ZBTB34: variants seen among roughly 807,000 people sequenced by gnomAD.
ZBTB34 encodes the protein zinc finger and BTB domain containing 34, also known as zinc finger and BTB domain-containing protein 34.
A neutral mutation model predicts 33.4 loss-of-function variants in ZBTB34; 1 was observed. That is an observed-to-expected ratio of 0.03 (90% confidence interval 0.01 to 0.14). ZBTB34 has a LOEUF of 0.14. Ranked by LOEUF, ZBTB34 falls within the 10% of genes least tolerant of loss-of-function variation. The pLI, the probability that ZBTB34 is intolerant of heterozygous loss-of-function variation, is 1.00. For synonymous variants in ZBTB34, 283 were observed against 253.5 expected, an observed-to-expected ratio of 1.12 and a Z score of -1.11; for missense variants, 406 against 657.2, an observed-to-expected ratio of 0.62 and a Z score of 4.18.
chr9:126,878,016 TAAATA>T (rs1323535380), intron 1 of ZBTB34, among the ~76,000 whole-genome samples: 3 of 151,644 alleles, frequency 2.0e-5, no homozygotes, highest in Admixed American at 6.6e-5. Context: ...AAAATAAAAA[TAAATA>T]AAATAAAATA....
chr9:126,871,214 T>G (rs2033274676), intron 1 of ZBTB34, among the ~76,000 whole-genome samples: 1 of 150,456 alleles, frequency 6.6e-6, no homozygotes, highest in African/African-American at 2.5e-5. Context: ...TGTGTGTGTG[T>G]GGAGTGGGGG....
chr9:126,870,232 T>C (rs567826054), intron 1 of ZBTB34, among the ~76,000 whole-genome samples: 125 of 152,334 alleles, frequency 8.2e-4, no homozygotes, highest in Admixed American at 2.0e-3. Flanking sequence ...GAAAAACTAA[T>C]ATAAATCACT....
chr9:126,882,906 G>A (rs191441564), exon 2 of ZBTB34: 429 of 167,150 alleles, frequency 2.6e-3, no homozygotes, highest in Non-Finnish European at 4.5e-3. Flanking sequence ...ATCTGTTCAC[G>A]TGTGAACTGC....
At chr9:126,884,633 C>A (rs536121740) in exon 2 of ZBTB34, 1 of 166,932 alleles carries the variant, frequency 6.0e-6, no homozygotes, top group Non-Finnish European at 1.5e-5. Context: ...TTTGTTTTTC[C>A]CTTAGCCCAG....
chr9:126,878,685 G>A (rs2033394118), intron 1 of ZBTB34, among the ~76,000 whole-genome samples: 1 of 151,534 alleles, frequency 6.6e-6, no homozygotes, highest in Admixed American at 6.6e-5. Context: ...ACACAAGTAA[G>A]GTAGAACATT....
intron 1 of ZBTB34, among the ~76,000 whole-genome samples, chr9:126,868,315 C>A (rs1383869183): frequency 6.6e-6 from 1 of 152,186 alleles, no homozygotes; most frequent in African/African-American, 2.4e-5. Flanking sequence ...AGCCTGTCGT[C>A]ATATGGTCTC....
At chr9:126,873,990 T>C (rs915924957) in intron 1 of ZBTB34, among the ~76,000 whole-genome samples, 1 of 151,828 alleles carries the variant, frequency 6.6e-6, no homozygotes, top group Admixed American at 6.6e-5. Flanking sequence ...TTTCAGTTGT[T>C]ACATTTGGCT....
At chr9:126,882,471 T>A (rs927814897) in exon 2 of ZBTB34, 24 of 167,114 alleles carry the variant, frequency 1.4e-4, no homozygotes, top group African/African-American at 5.5e-4. Context: ...CAGTTCTGTA[T>A]TGTGTTCACA....
intron 1 of ZBTB34, among the ~76,000 whole-genome samples, chr9:126,861,691 C>T (rs1273592368): frequency 6.6e-6 from 1 of 152,194 alleles, no homozygotes; most frequent in Non-Finnish European, 1.5e-5. Flanking sequence ...TCATCCCTTG[C>T]TTTTGTCCCT....
Position 126,874,208 on chromosome 9 carries a change from A to AT in ZBTB34, c.-10-5167dup, listed in dbSNP as rs759143140. Among the ~76,000 whole-genome samples, 369 of 135,206 alleles carry AT rather than the reference A, an allele frequency of 2.7e-3. 1 individual carries two copies. Among genetic ancestry groups the AT allele is most frequent in the Non-Finnish European group, 3.9e-3 (242 of 61,946 alleles). The allele number at this position is 135,206 out of a possible 152,430, so 88.7% of individuals were successfully genotyped here. On this transcript the variant is annotated intron_variant, in intron 1 of 1. Transcript: ENST00000319119. Reference sequence around the variant, plus strand: ...AGGCGCCCGCCACCATGCCCGGCTAATTTTTTTTTTTTTTTGTATTTTTAG... The same window carrying AT: ...AGGCGCCCGCCACCATGCCCGGCTAATTTTTTTTTTTTTTTTGTATTTTTAG...
chr9:126,877,178 G>T (rs2033374048), intron 1 of ZBTB34, among the ~76,000 whole-genome samples: 1 of 151,928 alleles, frequency 6.6e-6, no homozygotes, highest in African/African-American at 2.4e-5. Context: ...TGTTGTTGTT[G>T]TTGTTTTTCG....
intron 1 of ZBTB34, among the ~76,000 whole-genome samples, chr9:126,868,036 A>G (rs948390480): frequency 1.3e-5 from 2 of 152,166 alleles, no homozygotes; most frequent in African/African-American, 2.4e-5. Context: ...ATGGAAGAGC[A>G]GGGGCTTGAG....
chr9:126,882,196 C>T (rs933914612), exon 2 of ZBTB34: 1 of 166,682 alleles, frequency 6.0e-6, no homozygotes, highest in African/African-American at 2.4e-5. Context: ...TTTAAAAGCC[C>T]TCTAAGATAC....
chr9:126,880,526 T>C lies in ZBTB34; in HGVS notation c.1127T>C (p.Leu376Ser). 4 of 1,613,774 alleles carry C rather than the reference T, an allele frequency of 2.5e-6. No individual in the cohort carries two copies. Among genetic ancestry groups the C allele is most frequent in the Non-Finnish European group, 3.4e-6 (4 of 1,179,868 alleles). Residue 376 changes from leucine (L) to serine (S), a missense_variant, in exon 2 of 2, where the codon TTG becomes TCG. Leu to Ser is a moderately radical substitution (Grantham distance 145). Around this residue, in one of 6 missense-constraint regions of ZBTB34, gnomAD observed 123 missense variants for 140.4 expected, o/e 0.88. Transcript: ENST00000319119. The surrounding 1 kb of genome is among the most constrained non-coding windows in gnomAD (Gnocchi z 6.7). ...CATTGGTACCCGTACAATGAGAGGT[T>C]GATCTGTATTTACTGTGGAAAGTCC... is the stretch of plus-strand genomic sequence containing the variant.
At chr9:126,865,863 TA>T (rs1233264358) in intron 1 of ZBTB34, among the ~76,000 whole-genome samples, 1 of 152,166 alleles carries the variant, frequency 6.6e-6, no homozygotes, top group African/African-American at 2.4e-5. Context: ...CACATGCCTG[TA>T]ATCCCAGCTA....
At chr9:126,861,484 A>G (rs1409705251) in intron 1 of ZBTB34, among the ~76,000 whole-genome samples, 2 of 151,668 alleles carry the variant, frequency 1.3e-5, no homozygotes, top group East Asian at 3.9e-4. Flanking sequence ...GTTTCATTTA[A>G]CTCTCTAAGA....
intron 1 of ZBTB34, among the ~76,000 whole-genome samples, chr9:126,868,654 G>T (rs949308196): frequency 6.6e-6 from 1 of 152,162 alleles, no homozygotes; most frequent in Non-Finnish European, 1.5e-5. Context: ...TCACTGCTTG[G>T]TCAGTCCTGG....
At chr9:126,885,757 A>G (rs949406425) in exon 2 of ZBTB34, 1 of 167,128 alleles carries the variant, frequency 6.0e-6, no homozygotes, top group African/African-American at 2.4e-5. Context: ...TGTGACATGA[A>G]TATTTCAGTG....
exon 2 of ZBTB34, chr9:126,882,652 G>A (rs1208225092): frequency 6.0e-6 from 1 of 167,048 alleles, no homozygotes; most frequent in Admixed American, 6.5e-5. Flanking sequence ...CACCTCCATA[G>A]GAGAACAGTG....
Sources: gnomAD v4.1 joint callset for allele counts (sites outside exome capture counted in the v4.1 genomes callset) on GRCh38, gnomAD v4.1.1 for gene constraint, gnomAD v4.1.1 regional missense constraint, Gnocchi (gnomAD v3.1) non-coding constraint, MANE v1.5 for transcripts, NCBI Gene and HGNC (gene_info 2026-07-23, HGNC 2026-07-21) for gene names.